SETD3: variants seen among roughly 807,000 people sequenced by gnomAD.
The protein encoded by SETD3 is SET domain containing 3, actin N3(tau)-histidine methyltransferase.
SETD3 carries 19 observed loss-of-function variants against 63.0 expected under a neutral mutation model. That is an observed-to-expected ratio of 0.30 (90% CI 0.21 to 0.44). The LOEUF (loss-of-function observed/expected upper bound fraction) is 0.44, where lower values mean the gene tolerates loss of function less well. Among genes scored for constraint, SETD3 ranks in the 20% least tolerant of loss-of-function variants. The pLI is 1.00. For synonymous variants in SETD3, 286 were observed against 264.1 expected (o/e 1.08, Z -0.80); for missense variants, 587 against 728.5 (o/e 0.81, Z 2.24).
At chr14:99,430,027 C>T (rs1191119725) in intron 6 of SETD3, among the ~76,000 whole-genome samples, 2 of 152,210 alleles carry the variant, frequency 1.3e-5, no homozygotes, top group South Asian at 2.1e-4. Context: ...GGGAGTGAGC[C>T]CAGCCTTGAT....
chr14:99,435,926 G>C lies in SETD3; in HGVS notation c.676-21992C>G, dbSNP rs148233163. Reference sequence around the variant, plus strand: ...CTGCGATGAAGAACTGCCCAAGACGGGGTAGTTTATAAAGCTAAGAGGTTT... The same window carrying C: ...CTGCGATGAAGAACTGCCCAAGACGCGGTAGTTTATAAAGCTAAGAGGTTT... On this transcript the variant is annotated intron_variant, in intron 6 of 12. Transcript: ENST00000331768. 1.8e-3 allele frequency among the ~76,000 whole-genome samples: 270 copies of C among 152,230 alleles called. 1 individual carries two copies. The highest frequency in any genetic ancestry group is 6.3e-3 in the African/African-American group (263 of 41,538).
At chr14:99,471,743 C>T (rs1895718345) in intron 1 of SETD3, among the ~76,000 whole-genome samples, 1 of 152,186 alleles carries the variant, frequency 6.6e-6, no homozygotes, top group South Asian at 2.1e-4. Context: ...CTGAAAAACA[C>T]ACTGGAATTT....
intron 5 of SETD3, 84 bp downstream of exon 5, chr14:99,459,029 G>A (rs1433907781): frequency 2.0e-6 from 2 of 979,134 alleles, no homozygotes; most frequent in Non-Finnish European, 3.1e-6. Flanking sequence ...GAAAAACCAA[G>A]TATTATCCTT....
intron 6 of SETD3, among the ~76,000 whole-genome samples, chr14:99,440,607 G>T (rs761331372): frequency 6.6e-6 from 1 of 152,098 alleles, no homozygotes; most frequent in Non-Finnish European, 1.5e-5. Flanking sequence ...GGAGTGGAAC[G>T]TGGCAATGGG....
At chr14:99,481,113 T>C (rs3918033), upstream of SETD3, 6 of 269,732 alleles carry the variant, frequency 2.2e-5, no homozygotes, top group East Asian at 1.9e-4. Context: ...AGAGCTTTGA[T>C]TGGACGAATC....
At chr14:99,428,778 C>G (rs1893020257) in intron 6 of SETD3, among the ~76,000 whole-genome samples, 1 of 152,154 alleles carries the variant, frequency 6.6e-6, no homozygotes, top group Admixed American at 6.6e-5. Context: ...CCTCTAGCAA[C>G]TGCCAGCAAG....
chr14:99,407,281 G>A (rs1389162222), intron 8 of SETD3, among the ~76,000 whole-genome samples: 2 of 152,022 alleles, frequency 1.3e-5, no homozygotes, highest in African/African-American at 2.4e-5. Flanking sequence ...AAGCTCCCCC[G>A]TCTTAGTGAA....
At chr14:99,443,578 C>T (rs1235432542) in intron 6 of SETD3, among the ~76,000 whole-genome samples, 1 of 152,114 alleles carries the variant, frequency 6.6e-6, no homozygotes, top group Non-Finnish European at 1.5e-5. Context: ...AATCTGTGTC[C>T]TGACATCACT....
At chr14:99,420,820 C>T (rs1168738547) in intron 6 of SETD3, among the ~76,000 whole-genome samples, 1 of 151,826 alleles carries the variant, frequency 6.6e-6, no homozygotes. Flanking sequence ...CGCCCCACCC[C>T]CAACTCACCC....
At chr14:99,417,090 T>C (rs1420709529) in intron 6 of SETD3, among the ~76,000 whole-genome samples, 1 of 152,254 alleles carries the variant, frequency 6.6e-6, no homozygotes, top group Non-Finnish European at 1.5e-5. Flanking sequence ...GTCTGGTAGC[T>C]ATGCTTAAGG....
At chr14:99,400,358 A>G in intron 11 of SETD3, 99 bp from the exon 12 acceptor site, 3 of 1,296,262 alleles carry the variant, frequency 2.3e-6, no homozygotes, top group Non-Finnish European at 2.1e-6. Flanking sequence ...CAACAACGCC[A>G]TTTTCCCACG....
intron 6 of SETD3, among the ~76,000 whole-genome samples, chr14:99,429,492 C>A (rs750488590): frequency 6.6e-6 from 1 of 152,164 alleles, no homozygotes; most frequent in Admixed American, 6.5e-5. Flanking sequence ...TTCTCTTAAA[C>A]GGGATGTAAG....
chr14:99,456,422 TA>T (rs1200973856), intron 6 of SETD3, among the ~76,000 whole-genome samples: 13 of 152,220 alleles, frequency 8.5e-5, no homozygotes, highest in African/African-American at 3.1e-4. Context: ...ATAATTTCTT[TA>T]AAAAGATTAG....
intron 1 of SETD3, among the ~76,000 whole-genome samples, chr14:99,467,574 T>C (rs1187143090): frequency 6.6e-6 from 1 of 152,200 alleles, no homozygotes; most frequent in African/African-American, 2.4e-5. Context: ...ATAAGGACGT[T>C]AATCACACTT....
In SETD3 at chr14:99,406,607, G is replaced by C; in HGVS notation, c.850-17C>G. 2 of 1,612,034 alleles carry C rather than the reference G, an allele frequency of 1.2e-6. No individual in the cohort carries two copies. Among genetic ancestry groups the C allele is most frequent in the Non-Finnish European group, 1.7e-6 (2 of 1,178,076 alleles). Reference sequence around the variant, plus strand: ...AGTAGTGATCTAGCCCGGGGAGGAGGAAGGAAATGATGGTGAGGCAAACAC... The same window carrying C: ...AGTAGTGATCTAGCCCGGGGAGGAGCAAGGAAATGATGGTGAGGCAAACAC... On this transcript the variant is annotated splice_polypyrimidine_tract_variant and intron_variant, in intron 8 of 12. Transcript: ENST00000331768.
chr14:99,482,835 G>A (rs1048707715), upstream of SETD3, among the ~76,000 whole-genome samples: 1 of 146,892 alleles, frequency 6.8e-6, no homozygotes, highest in Non-Finnish European at 1.5e-5. Flanking sequence ...GTTCATTTCA[G>A]GACATTATAT....
At chr14:99,463,874 A>C (rs1160748171) in intron 2 of SETD3, among the ~76,000 whole-genome samples, 1 of 152,208 alleles carries the variant, frequency 6.6e-6, no homozygotes, top group African/African-American at 2.4e-5. Context: ...TCTTTTTAGA[A>C]TATACTTACT....
At chr14:99,419,100 TGAG>T (rs1387173158) in intron 6 of SETD3, among the ~76,000 whole-genome samples, 1 of 152,172 alleles carries the variant, frequency 6.6e-6, no homozygotes, top group Non-Finnish European at 1.5e-5. Flanking sequence ...GTTCAGCTCT[TGAG>T]GGAAAAAAAT....
At chr14:99,461,986 T>C (rs892239647) in intron 3 of SETD3, among the ~76,000 whole-genome samples, 1 of 152,358 alleles carries the variant, frequency 6.6e-6, no homozygotes, top group East Asian at 1.9e-4. Context: ...TATATTTTTA[T>C]GGGGTTATTT....
Sources: gnomAD v4.1 joint callset for allele counts (sites outside exome capture counted in the v4.1 genomes callset) on GRCh38, gnomAD v4.1.1 for gene constraint, MANE v1.5 for transcripts, NCBI Gene and HGNC (gene_info 2026-07-23, HGNC 2026-07-21) for gene names.